CTSA: variants seen among roughly 807,000 people sequenced by gnomAD.
The protein encoded by CTSA is cathepsin A, also known as lysosomal protective protein.
A neutral mutation model predicts 66.7 loss-of-function variants in CTSA; 42 were observed. That is an observed-to-expected ratio of 0.63 (90% CI 0.49 to 0.81). CTSA has a LOEUF of 0.81. Ranked by LOEUF, CTSA falls within the 40% of genes least tolerant of loss-of-function variation. CTSA has a pLI of 0.00. For synonymous variants in CTSA, 225 were observed against 248.6 expected, an observed-to-expected ratio of 0.91 and a Z score of 0.89; for missense variants, 525 against 610.9, an observed-to-expected ratio of 0.86 and a Z score of 1.48.
At position 45,898,631 on chromosome 20, in the gene CTSA, G is replaced by C. The variant is rs2083140749; in HGVS notation, c.*181G>C. On this transcript the variant is annotated 3_prime_UTR_variant, in exon 15 of 15. Coordinates refer to ENST00000646241, the MANE Select transcript of CTSA (RefSeq NM_000308.4). This position sits in a 1 kb window ranked among gnomAD's most constrained non-coding sequence, Gnocchi z 4.6. The stretch of plus-strand genomic sequence containing the variant: ...TCTCCCATAGACAGCCTGGGGGCAA[G>C]TTAGCACTTTATTCCCGCAGCAGTT... 2.8e-6 allele frequency: 2 copies of C among 725,402 alleles called. No individual in the cohort carries two copies. The highest frequency in any genetic ancestry group is 4.8e-6 in the Non-Finnish European group (2 of 415,380). The allele number at this position is 725,402 out of a possible 1,614,324, so 44.9% of individuals were successfully genotyped here.
rs1845196406 is a variant in CTSA at position 45,896,878 on chromosome 20, C to T, written c.1089-87C>T. On this transcript the variant is annotated intron_variant, in intron 11 of 14. Coordinates refer to ENST00000646241, the MANE Select transcript of CTSA (RefSeq NM_000308.4). ...CAGCTGTCTGCCTTCTGGGTTGGAG[C>T]TTGGAGATAGGAGAGAAGGTCTGAT... The T allele has an allele frequency of 5.4e-6, 6 of 1,102,756 alleles. No individual in the cohort carries two copies. In the Admixed American group the frequency reaches 1.0e-4, roughly 19 times the overall value. The allele number at this position is 1,102,756 out of a possible 1,614,324, so 68.3% of individuals were successfully genotyped here. A position where few individuals can be genotyped will look rare whatever the true frequency, so the allele number is the denominator to read the frequency against.
intron 6 of CTSA, 117 bp downstream of exon 6, chr20:45,892,997 C>T: frequency 6.4e-6 from 8 of 1,241,060 alleles, no homozygotes; most frequent in Non-Finnish European, 9.2e-6. Context: ...ATAACCTCCC[C>T]ACCACCGGCT....
chr20:45,891,792 G>A lies in CTSA; in HGVS notation c.194+30G>A, dbSNP rs757280969. On this transcript the variant is annotated intron_variant, in intron 2 of 14. Coordinates refer to ENST00000646241, the MANE Select transcript of CTSA (RefSeq NM_000308.4). This position sits in a 1 kb window ranked among gnomAD's most constrained non-coding sequence, Gnocchi z 4.6. ...GCCGCCCTGCCTTCTGGGCGGGATT[G>A]GGAGAAGAGATGACGGATGAGGGAT... 1.2e-6 allele frequency: 2 copies of A among 1,613,792 alleles called. No individual in the cohort carries two copies. Among genetic ancestry groups the A allele is most frequent in the East Asian group, 2.2e-5 (1 of 44,886 alleles).
At chr20:45,894,115 A>C in intron 8 of CTSA, 43 bp downstream of exon 8, 2 of 1,341,788 alleles carry the variant, frequency 1.5e-6, no homozygotes, top group Non-Finnish European at 2.1e-6. Context: ...CCCATCCCTA[A>C]TCCTGAGAAC....
intron 4 of CTSA, 32 bp downstream of exon 4, chr20:45,892,355 C>T (rs1375053813): frequency 6.2e-7 from 1 of 1,614,024 alleles, no homozygotes; most frequent in Non-Finnish European, 8.5e-7. Context: ...TGTCTGGGCA[C>T]TTGGATGGGG....
chr20:45,893,362 T>C, intron 7 of CTSA, 51 bp downstream of exon 7: 7 of 1,386,556 alleles, frequency 5.0e-6, no homozygotes, highest in Non-Finnish European at 7.2e-6. Context: ...GGTCACATGA[T>C]CTCAGGTCTG....
intron 8 of CTSA, 122 bp from the exon 9 acceptor site, chr20:45,894,528 T>C (rs1987135385): frequency 3.3e-6 from 3 of 898,808 alleles, no homozygotes; most frequent in Non-Finnish European, 5.5e-6. Context: ...TCAGTTTCCC[T>C]ACCTGTGAAA....
Position 45,891,360 on chromosome 20 carries a change from A to G in CTSA, c.-20A>G, listed in dbSNP as rs1359249280. 19 of 1,575,444 alleles carry G rather than the reference A, an allele frequency of 1.2e-5. No homozygotes were observed. Among genetic ancestry groups the G allele is most frequent in the Admixed American group, 1.8e-5 (1 of 54,358 alleles). On this transcript the variant is annotated 5_prime_UTR_variant, in exon 1 of 15. Transcript: ENST00000646241. The surrounding 1 kb of genome is among the most constrained non-coding windows in gnomAD (Gnocchi z 4.6). The stretch of plus-strand genomic sequence containing the variant: ...AGTCCCCGGGCGCCTCCTGGAGAGC[A>G]AGGACGCGGGGGAGCAGAGGTGAGC...
chr20:45,892,842 G>A lies in CTSA; in HGVS notation c.562G>A (p.Ala188Thr). The A allele has an allele frequency of 6.2e-7, 1 of 1,614,164 alleles. No homozygotes were observed. Among genetic ancestry groups the A allele is most frequent in the Non-Finnish European group, 8.5e-7 (1 of 1,180,022 alleles). Reference protein sequence around the residue: ...SYAGIYIPTLAVLVMQDPSMN... With the variant: ...SYAGIYIPTLTVLVMQDPSMN... ...TGCTGGCATCTACATCCCCACCCTG[G>A]CCGTGCTGGTCATGCAGGATCCCAG... Residue 188 changes from alanine to threonine, a missense_variant, in exon 6 of 15, where the codon GCC becomes ACC. Around this residue, in one of 3 missense-constraint regions of CTSA, gnomAD observed 246 missense variants for 267.4 expected, o/e 0.92. Transcript: ENST00000646241.
At position 45,898,452 on chromosome 20, in the gene CTSA, GACC is replaced by G. The variant is rs761155104; in HGVS notation, c.*5_*7del. The G allele has an allele frequency of 3.2e-5, 51 of 1,613,518 alleles. No homozygotes were observed. The highest frequency in any genetic ancestry group is 4.2e-5 in the Non-Finnish European group (49 of 1,179,838). ...TTCCTGAACAAGCAGCCATACTGAT[GACC>G]ACAGCAACCAGCTCCACGGCCTGAT... On this transcript the variant is annotated 3_prime_UTR_variant, in exon 15 of 15. Coordinates refer to ENST00000646241, the MANE Select transcript of CTSA (RefSeq NM_000308.4). The surrounding 1 kb of genome is among the most constrained non-coding windows in gnomAD (Gnocchi z 4.6).
intron 6 of CTSA, 105 bp downstream of exon 6, chr20:45,892,985 G>A: frequency 1.5e-6 from 2 of 1,365,890 alleles, no homozygotes; most frequent in Non-Finnish European, 2.0e-6. Context: ...CCAGCTTCCT[G>A]CATAACCTCC....
chr20:45,898,570 TC>T lies in CTSA; in HGVS notation c.*123del. 1 of 980,368 alleles carries T rather than the reference TC, an allele frequency of 1.0e-6. No individual in the cohort carries two copies. The highest frequency in any genetic ancestry group is 1.6e-6 in the Non-Finnish European group (1 of 637,624). The allele number at this position is 980,368 out of a possible 1,614,324, so 60.7% of individuals were successfully genotyped here. On this transcript the variant is annotated 3_prime_UTR_variant, in exon 15 of 15. Coordinates refer to ENST00000646241, the MANE Select transcript of CTSA (RefSeq NM_000308.4). This position sits in a 1 kb window ranked among gnomAD's most constrained non-coding sequence, Gnocchi z 4.6. ...GGTTCTGCCGCCAGGACTGCCCCCT[TC>T]CCAGAGCCCTGTACATCCCAGACTG...
intron 12 of CTSA, 146 bp from the exon 13 acceptor site, chr20:45,897,571 G>A: frequency 2.9e-6 from 2 of 687,236 alleles, no homozygotes; most frequent in South Asian, 1.5e-5. Context: ...TGGACATGCA[G>A]TAAGTCGTTA....
In CTSA at chr20:45,898,340, C is replaced by T. The variant is rs2077056; in HGVS notation, c.1360-27C>T. ...TATGGGGAGGAGGGAATGGTGGGGT[C>T]AGGAGCTCACGAACATTGCTCCTCA... is the stretch of plus-strand genomic sequence containing the variant. On this transcript the variant is annotated intron_variant, in intron 14 of 14. Transcript: ENST00000646241. This position sits in a 1 kb window ranked among gnomAD's most constrained non-coding sequence, Gnocchi z 4.6. 4,151 of 1,593,938 alleles carry T rather than the reference C, an allele frequency of 2.6e-3. 78 individuals are homozygous for T. In the African/African-American group the frequency reaches 0.048, roughly 18 times the overall value.
Position 45,893,271 on chromosome 20 carries a change from C to G in CTSA, c.652C>G (p.Leu218Val). Residue 218 changes from leucine (L) to valine (V), a missense_variant, in exon 7 of 15, where the codon CTG becomes GTG. Leu to Val is a conservative substitution (Grantham distance 32). This residue lies in a region of CTSA where 246 missense variants were observed against 267.4 expected (regional missense o/e 0.92). Transcript: ENST00000646241. ...LSSYEQNDNSLVYFAYYHGLL... is the reference protein window; with the variant it reads ...LSSYEQNDNSVVYFAYYHGLL... ...CTCCTATGAGCAGAATGACAACTCC[C>G]TGGTCTACTTTGCCTACTACCATGG... is the stretch of plus-strand genomic sequence containing the variant. 1 of 1,614,106 alleles carries G rather than the reference C, an allele frequency of 6.2e-7. No individual in the cohort carries two copies. The highest frequency in any genetic ancestry group is 8.5e-7 in the Non-Finnish European group (1 of 1,180,002).
intron 3 of CTSA, 113 bp from the exon 4 acceptor site, chr20:45,892,160 G>A: frequency 1.4e-6 from 2 of 1,440,514 alleles, no homozygotes; most frequent in Non-Finnish European, 2.0e-6. Flanking sequence ...CATTGGCTTT[G>A]CTGCCTGTAC....
Position 45,898,501 on chromosome 20 carries a change from C to CTAG in CTSA, c.*51_*52insTAG. The stretch of plus-strand genomic sequence containing the variant: ...CTGATGCAGCCCCTCCCAGCCTCTC[C>CTAG]CGCTAGGAGAGTCCTCTTCTAAGCA... On this transcript the variant is annotated 3_prime_UTR_variant, in exon 15 of 15. Coordinates refer to ENST00000646241, the MANE Select transcript of CTSA (RefSeq NM_000308.4). This position sits in a 1 kb window ranked among gnomAD's most constrained non-coding sequence, Gnocchi z 4.6. 6.4e-7 allele frequency: 1 copy of CTAG among 1,553,576 alleles called. No individual in the cohort carries two copies. The highest frequency in any genetic ancestry group is 8.9e-7 in the Non-Finnish European group (1 of 1,128,236).
At position 45,891,741 on chromosome 20, in the gene CTSA, G is replaced by T; in HGVS notation, c.173G>T (p.Gly58Val). Residue 58 changes from glycine (G) to valine (V), a missense_variant, in exon 2 of 15, where the codon GGC becomes GTC. By Grantham distance (109) the Gly-to-Val change is moderately radical. Transcript: ENST00000646241. This position sits in a 1 kb window ranked among gnomAD's most constrained non-coding sequence, Gnocchi z 4.6. The stretch of plus-strand genomic sequence containing the variant: ...TACTCCGGCTACCTCAAAGGCTCCG[G>T]CTCCAAGCACCTCCACTACTGGTCT... ...RQYSGYLKGSGSKHLHYWFVE... is the reference protein window; with the variant it reads ...RQYSGYLKGSVSKHLHYWFVE... The T allele has an allele frequency of 6.2e-7, 1 of 1,613,786 alleles. No individual in the cohort carries two copies. Among genetic ancestry groups the T allele is most frequent in the Non-Finnish European group, 8.5e-7 (1 of 1,180,044 alleles).
At position 45,891,411 on chromosome 20, in the gene CTSA, C is replaced by T. The variant is rs569267789; in HGVS notation, c.-1+32C>T. The stretch of plus-strand genomic sequence containing the variant: ...TGGCACCGGAGGCTGGAGGGGATCC[C>T]CGAGCCCGGGATCGGTGCGCGGCAG... On this transcript the variant is annotated intron_variant, in intron 1 of 14. Transcript: ENST00000646241. This position sits in a 1 kb window ranked among gnomAD's most constrained non-coding sequence, Gnocchi z 4.6. 301 of 1,558,840 alleles carry T rather than the reference C, an allele frequency of 1.9e-4. 3 individuals carry two copies. The South Asian group carries it at 3.4e-3, about 18-fold the overall frequency.
Sources: gnomAD v4.1 joint callset for allele counts on GRCh38, gnomAD v4.1.1 for gene constraint, gnomAD v4.1.1 regional missense constraint, Gnocchi (gnomAD v3.1) non-coding constraint, MANE v1.5 for transcripts, NCBI Gene and HGNC (gene_info 2026-07-23, HGNC 2026-07-21) for gene names.